Variants in DCPH1 observed in about 807,000 individuals in gnomAD.
DCPH1 encodes the protein damage-control phosphatase 1.
chr6:151,452,941 C>T, the DCPH1 span: 1 of 237,432 alleles, frequency 4.2e-6, no homozygotes, highest in African/African-American at 2.3e-5. Flanking sequence ...AAACGGGTTT[C>T]TCCCTGTTGT....
the DCPH1 span, among the ~76,000 whole-genome samples, chr6:151,455,411 A>G: frequency 6.6e-6 from 1 of 152,206 alleles, no homozygotes; most frequent in Non-Finnish European, 1.5e-5. Context: ...TTTCTCCGAG[A>G]GAGGGATGTG....
the DCPH1 span, chr6:151,469,300 G>C: frequency 4.4e-6 from 2 of 458,882 alleles, no homozygotes; most frequent in Non-Finnish European, 7.6e-6. Flanking sequence ...CTGTTTTGGG[G>C]ATAGCTGGGT....
the DCPH1 span, chr6:151,469,442 C>G: frequency 4.9e-6 from 1 of 205,612 alleles, no homozygotes; most frequent in South Asian, 1.4e-4. Context: ...GTGAGTTCTG[C>G]TTTTAGTTAG....
the DCPH1 span, chr6:151,458,504 G>GT: frequency 6.2e-7 from 1 of 1,612,392 alleles, no homozygotes; most frequent in East Asian, 2.2e-5. Flanking sequence ...AATCAAGATG[G>GT]TTCTACTCAC....
chr6:151,463,852 A>T, the DCPH1 span, among the ~76,000 whole-genome samples: 1 of 152,192 alleles, frequency 6.6e-6, no homozygotes, highest in East Asian at 1.9e-4. Context: ...TTAATCTCTC[A>T]CTGGAAAACA....
chr6:151,458,231 TTTTTC>T, the DCPH1 span: 77 of 1,452,636 alleles, frequency 5.3e-5, no homozygotes, highest in Non-Finnish European at 6.3e-5. Context: ...GTTTTGAACA[TTTTTC>T]TTTTCTTCTT....
At chr6:151,466,973 G>A in the DCPH1 span, among the ~76,000 whole-genome samples, 2 of 151,956 alleles carry the variant, frequency 1.3e-5, no homozygotes, top group African/African-American at 4.8e-5. Context: ...CTGTTCGGCC[G>A]GGCATGGTGG....
At chr6:151,465,215 T>C in the DCPH1 span, among the ~76,000 whole-genome samples, 1 of 152,346 alleles carries the variant, frequency 6.6e-6, no homozygotes, top group East Asian at 1.9e-4. Flanking sequence ...GTTTAGTTTT[T>C]AATTCATGCA....
the DCPH1 span, among the ~76,000 whole-genome samples, chr6:151,460,280 G>T: frequency 6.6e-6 from 1 of 151,546 alleles, no homozygotes. Flanking sequence ...GTAGAGATGG[G>T]GTTTCGTTAT....
the DCPH1 span, chr6:151,452,840 T>C: frequency 2.3e-6 from 1 of 434,436 alleles, no homozygotes; most frequent in Non-Finnish European, 4.1e-6. Flanking sequence ...GGTCTGTTCC[T>C]GGCGGTCACT....
the DCPH1 span, chr6:151,468,670 G>T: frequency 6.2e-7 from 1 of 1,613,954 alleles, no homozygotes; most frequent in Non-Finnish European, 8.5e-7. Flanking sequence ...TACTATACAT[G>T]ATTTTAATTG....
chr6:151,454,611 A>G, the DCPH1 span: 1 of 1,581,574 alleles, frequency 6.3e-7, no homozygotes, highest in East Asian at 2.2e-5. Flanking sequence ...TTATTGATAC[A>G]TTGCATCGAC....
chr6:151,452,696 C>T, the DCPH1 span: 70,070 of 1,145,684 alleles, frequency 0.061, 2,824 homozygotes, highest in East Asian at 0.16. Context: ...GTTCGAGTCC[C>T]GCCGCCGGGC....
the DCPH1 span, chr6:151,458,359 C>A: frequency 3.1e-6 from 5 of 1,613,104 alleles, no homozygotes; most frequent in Admixed American, 5.0e-5. Context: ...AAAGCTATCT[C>A]TCTCCTTTCT....
the DCPH1 span, chr6:151,458,357 C>G: frequency 1.2e-6 from 2 of 1,612,956 alleles, no homozygotes; most frequent in Non-Finnish European, 8.5e-7. Flanking sequence ...AGAAAGCTAT[C>G]TCTCTCCTTT....
the DCPH1 span, among the ~76,000 whole-genome samples, chr6:151,462,188 T>A: frequency 6.6e-6 from 1 of 152,204 alleles, no homozygotes; most frequent in Non-Finnish European, 1.5e-5. Context: ...AGAGAAAATA[T>A]TAGATTTTTA....
At chr6:151,463,213 AC>A in the DCPH1 span, among the ~76,000 whole-genome samples, 1 of 152,178 alleles carries the variant, frequency 6.6e-6, no homozygotes, top group South Asian at 2.1e-4. Flanking sequence ...CTTTTAAGTC[AC>A]CTTGAGAGAC....
At chr6:151,458,342 T>C in the DCPH1 span, 2 of 1,611,228 alleles carry the variant, frequency 1.2e-6, no homozygotes, top group Non-Finnish European at 1.7e-6. Flanking sequence ...GCGTGGAAGC[T>C]GAAAAGAAAG....
At chr6:151,465,953 C>G in the DCPH1 span, among the ~76,000 whole-genome samples, 3 of 152,338 alleles carry the variant, frequency 2.0e-5, no homozygotes, top group South Asian at 6.2e-4. Context: ...GAGTCTCGCT[C>G]TGTTGCCCAG....
Sources: gnomAD v4.1 joint callset for allele counts (sites outside exome capture counted in the v4.1 genomes callset) on GRCh38, gnomAD v4.1.1 for gene constraint, MANE v1.5 for transcripts, NCBI Gene and HGNC (gene_info 2026-07-23, HGNC 2026-07-21) for gene names.